Variants in GPR176 observed in about 807,000 individuals in gnomAD.
The protein encoded by GPR176 is G-protein coupled receptor 176.
GPR176 carries 26 observed loss-of-function variants against 35.4 expected under a neutral mutation model. The observed-to-expected ratio is 0.74, with a 90% CI of 0.54 to 1.02. The LOEUF (loss-of-function observed/expected upper bound fraction) is 1.02, where lower values mean the gene tolerates loss of function less well. Ranked by LOEUF, GPR176 falls within the 50% of genes least tolerant of loss-of-function variation. GPR176 has a pLI of 0.00. For synonymous variants in GPR176, 278 were observed against 271.3 expected, an observed-to-expected ratio of 1.02 and a Z score of -0.24; for missense variants, 597 against 665.3, an observed-to-expected ratio of 0.90 and a Z score of 1.13.
rs537168258 is a variant in GPR176 at position 39,893,538 on chromosome 15, A to C, written c.172+26317T>G. 2.6e-5 allele frequency among the ~76,000 whole-genome samples: 4 copies of C among 152,298 alleles called. No homozygotes were observed. The South Asian group carries it at 6.2e-4, about 24-fold the overall frequency. ...AGACACGGCAACCATCCGATTTCTC[A>C]ATCTTTTCCCCAACTTTCCCGCCTT... On this transcript the variant is annotated intron_variant, in intron 1 of 2. Transcript: ENST00000561100.
At chr15:39,833,850 G>T (rs1205777716) in intron 1 of GPR176, among the ~76,000 whole-genome samples, 1 of 152,146 alleles carries the variant, frequency 6.6e-6, no homozygotes, top group Non-Finnish European at 1.5e-5. Flanking sequence ...GCGCAGAAAT[G>T]AGTCTGGCAC....
chr15:39,857,836 T>G (rs910861374), intron 1 of GPR176, among the ~76,000 whole-genome samples: 5 of 151,218 alleles, frequency 3.3e-5, no homozygotes, highest in African/African-American at 1.2e-4. Context: ...CCGGGCATGG[T>G]GGCGGGCACC....
In GPR176 at chr15:39,828,572, G is replaced by A. The variant is rs866691627; in HGVS notation, c.173-21314C>T. ...AAAGAATCAGCATCACTGGCTGAGA[G>A]AGCAGCTTTACCAGCAGAGATCAAA... On this transcript the variant is annotated intron_variant, in intron 1 of 2. Transcript: ENST00000561100. 3.3e-5 allele frequency among the ~76,000 whole-genome samples: 5 copies of A among 152,334 alleles called. No individual in the cohort carries two copies. The South Asian group carries it at 1.0e-3, about 32-fold the overall frequency.
intron 1 of GPR176, among the ~76,000 whole-genome samples, chr15:39,915,720 C>CA (rs879558912): frequency 8.8e-4 from 133 of 150,952 alleles, no homozygotes; most frequent in Middle Eastern, 3.4e-3. Context: ...ACTAAAAATA[C>CA]AAAAAAAAAT....
intron 1 of GPR176, among the ~76,000 whole-genome samples, chr15:39,871,762 G>A (rs543823719): frequency 4.6e-5 from 7 of 152,308 alleles, no homozygotes; most frequent in African/African-American, 1.7e-4. Flanking sequence ...ACCAATGACT[G>A]ATGGAGTGAT....
At position 39,915,234 on chromosome 15, in the gene GPR176, C is replaced by T. The variant is rs540975927; in HGVS notation, c.172+4621G>A. On this transcript the variant is annotated intron_variant, in intron 1 of 2. Coordinates refer to ENST00000561100, the MANE Select transcript of GPR176 (RefSeq NM_007223.3). The stretch of plus-strand genomic sequence containing the variant: ...AGGAAGTCTGAGATCAGAGTGCTAA[C>T]GTGGTTGGGTTCTGGGGAGGGCCTT... Among the ~76,000 whole-genome samples, 11 of 152,290 alleles carry T rather than the reference C, an allele frequency of 7.2e-5. No homozygotes were observed. The East Asian group carries it at 2.1e-3, about 29-fold the overall frequency.
chr15:39,845,714 G>T (rs536842059), intron 1 of GPR176, among the ~76,000 whole-genome samples: 3 of 152,124 alleles, frequency 2.0e-5, no homozygotes, highest in Non-Finnish European at 2.9e-5. Context: ...CTTAGTAAGC[G>T]GGAGAGAGCT....
At chr15:39,817,366 T>C (rs1899991366) in intron 1 of GPR176, among the ~76,000 whole-genome samples, 1 of 152,208 alleles carries the variant, frequency 6.6e-6, no homozygotes, top group South Asian at 2.1e-4. Flanking sequence ...AATACATAAA[T>C]ATTGCCAGAG....
chr15:39,871,628 C>A lies in GPR176; in HGVS notation c.172+48227G>T, dbSNP rs572168065. Among the ~76,000 whole-genome samples the A allele has an allele frequency of 7.2e-5, 11 of 152,314 alleles. No individual in the cohort carries two copies. In the South Asian group the frequency reaches 2.3e-3, roughly 32 times the overall value. On this transcript the variant is annotated intron_variant, in intron 1 of 2. Transcript: ENST00000561100. The stretch of plus-strand genomic sequence containing the variant: ...TGTCACCTTGACCTCATCCTCATGG[C>A]CCCTTTCCTAATACTCTACTGTAGT...
At chr15:39,903,256 G>T (rs992578829) in intron 1 of GPR176, among the ~76,000 whole-genome samples, 2 of 138,870 alleles carry the variant, frequency 1.4e-5, no homozygotes, top group African/African-American at 5.2e-5. Context: ...TACTTTATTC[G>T]AAACAAATAA....
intron 1 of GPR176, among the ~76,000 whole-genome samples, chr15:39,899,694 T>C (rs2033219821): frequency 3.3e-5 from 5 of 152,204 alleles, no homozygotes; most frequent in Admixed American, 6.5e-5. Context: ...AGATGTAGAT[T>C]CTCCTTATTT....
At chr15:39,856,555 T>A (rs2031235287) in intron 1 of GPR176, among the ~76,000 whole-genome samples, 1 of 152,210 alleles carries the variant, frequency 6.6e-6, no homozygotes, top group South Asian at 2.1e-4. Context: ...TTCACCCACA[T>A]GGCTGTTGGC....
At chr15:39,864,870 G>A (rs1244054622) in intron 1 of GPR176, among the ~76,000 whole-genome samples, 1 of 149,250 alleles carries the variant, frequency 6.7e-6, no homozygotes, top group East Asian at 2.0e-4. Context: ...ATTAAAAAGT[G>A]ACCAAAAAGC....
At chr15:39,901,380 G>A (rs1263591168) in intron 1 of GPR176, among the ~76,000 whole-genome samples, 2 of 152,142 alleles carry the variant, frequency 1.3e-5, no homozygotes, top group Non-Finnish European at 2.9e-5. Flanking sequence ...GATTACGGAA[G>A]GGGCCCTGCC....
At chr15:39,903,832 T>C (rs940764358) in intron 1 of GPR176, among the ~76,000 whole-genome samples, 1 of 152,188 alleles carries the variant, frequency 6.6e-6, no homozygotes, top group Non-Finnish European at 1.5e-5. Flanking sequence ...AGAGGATTCT[T>C]GGGTCTCGTG....
At chr15:39,861,574 T>C (rs958215663) in intron 1 of GPR176, among the ~76,000 whole-genome samples, 4 of 152,000 alleles carry the variant, frequency 2.6e-5, no homozygotes, top group African/African-American at 9.7e-5. Context: ...TATATTTTAG[T>C]GTTGATGTGT....
At chr15:39,913,375 T>C (rs764617461) in intron 1 of GPR176, among the ~76,000 whole-genome samples, 1 of 151,918 alleles carries the variant, frequency 6.6e-6, no homozygotes, top group East Asian at 1.9e-4. Flanking sequence ...CAAAACTCCA[T>C]CTCTACAAAA....
intron 1 of GPR176, among the ~76,000 whole-genome samples, chr15:39,812,619 T>C (rs1024626866): frequency 6.6e-6 from 1 of 152,200 alleles, no homozygotes; most frequent in South Asian, 2.1e-4. Context: ...GACTTCACTT[T>C]GTGATCGTGT....
chr15:39,854,018 G>A (rs74008974), intron 1 of GPR176, among the ~76,000 whole-genome samples: 3,503 of 152,130 alleles, frequency 0.023, 175 homozygotes, highest in African/African-American at 0.078. Flanking sequence ...CTGAGGTCAA[G>A]TTGCCTACAA....
Sources: allele counts gnomAD v4.1 joint callset (sites outside exome capture counted in the v4.1 genomes callset), GRCh38; gene constraint gnomAD v4.1.1; transcripts MANE v1.5; gene names NCBI Gene and HGNC (gene_info 2026-07-23, HGNC 2026-07-21).